CNTNAP5: variants seen among roughly 807,000 people sequenced by gnomAD.
CNTNAP5 encodes contactin-associated protein-like 5.
CNTNAP5 carries 72 observed loss-of-function variants against 150.2 expected under a neutral mutation model. The ratio of observed to expected loss-of-function variants is 0.48; its 90% confidence interval spans 0.40 to 0.58. The LOEUF is 0.58. Among genes scored for constraint, CNTNAP5 ranks in the 20% least tolerant of loss-of-function variants. The probability of loss-of-function intolerance (pLI) is 0.00; values close to 1 mark genes in which losing one functional copy is unlikely to be tolerated. For synonymous variants in CNTNAP5, 672 were observed against 619.8 expected (o/e 1.08, Z -1.25); for missense variants, 1,636 against 1,626.2 (o/e 1.01, Z -0.10).
chr2:124,584,815 T>C (rs1243619115), intron 11 of CNTNAP5, among the ~76,000 whole-genome samples: 1 of 152,204 alleles, frequency 6.6e-6, no homozygotes, highest in Non-Finnish European at 1.5e-5. Flanking sequence ...TTGAAACCAG[T>C]TTTGAACACT....
chr2:124,642,557 A>G (rs977303787), intron 12 of CNTNAP5, among the ~76,000 whole-genome samples: 1 of 152,190 alleles, frequency 6.6e-6, no homozygotes, highest in African/African-American at 2.4e-5. Flanking sequence ...AAAAGAGTGC[A>G]CAGACTTCAC....
intron 3 of CNTNAP5, among the ~76,000 whole-genome samples, chr2:124,393,576 C>T (rs1320848029): frequency 1.3e-5 from 2 of 152,218 alleles, no homozygotes. Context: ...TGCCAGGCAA[C>T]CCTGCTGGAC....
chr2:124,170,735 A>G (rs1684910581), intron 1 of CNTNAP5, among the ~76,000 whole-genome samples: 1 of 152,138 alleles, frequency 6.6e-6, no homozygotes, highest in Non-Finnish European at 1.5e-5. Context: ...GTGAAAGGTA[A>G]CTGTGGGTAG....
intron 3 of CNTNAP5, among the ~76,000 whole-genome samples, chr2:124,328,646 T>C (rs1467688765): frequency 6.6e-6 from 1 of 151,852 alleles, no homozygotes; most frequent in Non-Finnish European, 1.5e-5. Flanking sequence ...AAAAGAAGAG[T>C]GAAGTATGCG....
chr2:124,548,775 G>T (rs190185122), intron 10 of CNTNAP5, among the ~76,000 whole-genome samples: 2 of 152,116 alleles, frequency 1.3e-5, no homozygotes, highest in South Asian at 2.1e-4. Flanking sequence ...CTTATTTAGC[G>T]CCCACAAGGA....
intron 1 of CNTNAP5, among the ~76,000 whole-genome samples, chr2:124,064,152 A>G (rs571158193): frequency 6.6e-6 from 1 of 152,258 alleles, no homozygotes; most frequent in East Asian, 1.9e-4. Context: ...TTCTTCCTTT[A>G]GATTCCTGAT....
chr2:124,245,706 T>G (rs534811064), intron 3 of CNTNAP5, among the ~76,000 whole-genome samples: 1 of 149,504 alleles, frequency 6.7e-6, no homozygotes, highest in Admixed American at 6.7e-5. Flanking sequence ...TACACACAAA[T>G]ATATATTTAT....
At chr2:124,664,324 A>AG (rs1491178312) in intron 13 of CNTNAP5, among the ~76,000 whole-genome samples, 3 of 105,768 alleles carry the variant, frequency 2.8e-5, no homozygotes, top group Non-Finnish European at 6.2e-5. Context: ...CCCTGTCTCA[A>AG]GAAAAAAAAA....
intron 1 of CNTNAP5, among the ~76,000 whole-genome samples, chr2:124,072,484 T>A (rs1216052616): frequency 6.6e-6 from 1 of 151,808 alleles, no homozygotes; most frequent in Non-Finnish European, 1.5e-5. Context: ...AAAACAAGGA[T>A]TTCACCAAGA....
At chr2:124,307,153 G>A (rs1448921206) in intron 3 of CNTNAP5, among the ~76,000 whole-genome samples, 2 of 152,140 alleles carry the variant, frequency 1.3e-5, no homozygotes, top group African/African-American at 4.8e-5. Context: ...CTGGAGCCTG[G>A]AAGTCCAAAA....
chr2:124,033,833 T>C (rs894717896), intron 1 of CNTNAP5, among the ~76,000 whole-genome samples: 5 of 152,010 alleles, frequency 3.3e-5, no homozygotes, highest in Non-Finnish European at 5.9e-5. Context: ...CCAATTCATA[T>C]AGATAAGCTT....
At chr2:124,795,278 A>G (rs12465517) in intron 18 of CNTNAP5, among the ~76,000 whole-genome samples, 23,896 of 152,046 alleles carry the variant, frequency 0.16, 2,046 homozygotes, top group African/African-American at 0.2. Flanking sequence ...CTCCAAGTCT[A>G]CAGGCCCCAT....
chr2:124,134,956 A>T (rs1683939490), intron 1 of CNTNAP5: 1 of 152,200 alleles, frequency 6.6e-6, no homozygotes, highest in South Asian at 2.1e-4. Context: ...CTGTATAAAA[A>T]TATCTACTAT....
At chr2:124,264,393 C>G (rs12994075) in intron 3 of CNTNAP5, among the ~76,000 whole-genome samples, 6,581 of 77,868 alleles carry the variant, frequency 0.085, 299 homozygotes, top group Admixed American at 0.23. Flanking sequence ...CACACATACA[C>G]ACACACACAC....
intron 1 of CNTNAP5, among the ~76,000 whole-genome samples, chr2:124,127,981 A>T (rs938654400): frequency 6.6e-6 from 1 of 152,198 alleles, no homozygotes; most frequent in African/African-American, 2.4e-5. Flanking sequence ...AGGCAATACC[A>T]TTCAGGACAT....
At chr2:124,772,389 A>G (rs964463215) in intron 16 of CNTNAP5, among the ~76,000 whole-genome samples, 1 of 152,194 alleles carries the variant, frequency 6.6e-6, no homozygotes, top group African/African-American at 2.4e-5. Context: ...TAGTAAAATA[A>G]GGAGGAAGCA....
chr2:124,520,136 G>A (rs992223302), intron 8 of CNTNAP5, among the ~76,000 whole-genome samples: 8 of 152,082 alleles, frequency 5.3e-5, no homozygotes, highest in African/African-American at 1.2e-4. Flanking sequence ...CATGCAGCAC[G>A]TCCTATTTAT....
At chr2:124,737,620 T>C (rs1467792922) in intron 13 of CNTNAP5, among the ~76,000 whole-genome samples, 1 of 152,206 alleles carries the variant, frequency 6.6e-6, no homozygotes, top group Non-Finnish European at 1.5e-5. Context: ...TAGGGAACTA[T>C]TGGGAAATTT....
intron 21 of CNTNAP5, among the ~76,000 whole-genome samples, chr2:124,872,277 T>G (rs2104728175): frequency 6.6e-6 from 1 of 152,168 alleles, no homozygotes; most frequent in South Asian, 2.1e-4. Context: ...TATTAAACAT[T>G]TTGTCTCTGA....
Sources: allele counts gnomAD v4.1 joint callset (sites outside exome capture counted in the v4.1 genomes callset), GRCh38; gene constraint gnomAD v4.1.1; transcripts MANE v1.5; gene names NCBI Gene and HGNC (gene_info 2026-07-23, HGNC 2026-07-21).